Variants in KRT3 observed in about 807,000 individuals in gnomAD.
The protein encoded by KRT3 is keratin 3.
A neutral mutation model predicts 45.8 loss-of-function variants in KRT3; 34 were observed. The ratio of observed to expected loss-of-function variants is 0.74; its 90% CI spans 0.57 to 0.99. The LOEUF (loss-of-function observed/expected upper bound fraction) is 0.99, where lower values mean the gene tolerates loss of function less well. Among genes scored for constraint, KRT3 ranks in the 50% least tolerant of loss-of-function variants. The pLI is 0.00. For missense variants in KRT3, 828 were observed against 820.6 expected, an observed-to-expected ratio of 1.01 and a Z score of -0.11; for synonymous variants, 367 against 329.0, an observed-to-expected ratio of 1.12 and a Z score of -1.25.
intron 8 of KRT3, 54 bp from the exon 9 acceptor site, chr12:52,790,412 A>T: frequency 6.6e-7 from 1 of 1,504,404 alleles, no homozygotes; most frequent in Non-Finnish European, 8.9e-7. Flanking sequence ...GCCAGCTGCT[A>T]TGTTATTGTC....
At chr12:52,793,809 C>T (rs565981002) in intron 2 of KRT3, among the ~76,000 whole-genome samples, 1 of 152,294 alleles carries the variant, frequency 6.6e-6, no homozygotes, top group South Asian at 2.1e-4. Context: ...CCAGGCTGGT[C>T]TTGAACTCCT....
rs1939454581 is a variant in KRT3 at position 52,790,184 on chromosome 12, C to CCGCTGCTGCCACCGCTGAAAT, written c.1744_1745insATTTCAGCGGTGGCAGCAGCG (p.Ser581_Gly582insAspPheSerGlyGlySerSer). 6.5e-7 allele frequency: 1 copy of CCGCTGCTGCCACCGCTGAAAT among 1,548,770 alleles called. No individual in the cohort carries two copies. Among genetic ancestry groups the CCGCTGCTGCCACCGCTGAAAT allele is most frequent in the African/African-American group, 1.4e-5 (1 of 72,982 alleles). On this transcript the variant is annotated inframe_insertion, in exon 9 of 9. Coordinates refer to ENST00000417996, the MANE Select transcript of KRT3 (RefSeq NM_057088.3). Reference sequence around the variant, plus strand: ...GCCAAAGCCGCTGCCACCGCTGAAACCGCTGCTGCCGCCGCCAAATCCACC... The same window carrying CCGCTGCTGCCACCGCTGAAAT: ...GCCAAAGCCGCTGCCACCGCTGAAACCGCTGCTGCCACCGCTGAAATCGCTGCTGCCGCCGCCAAATCCACC...
In KRT3 at chr12:52,791,757, G is replaced by A. The variant is rs141642714; in HGVS notation, c.1248C>T (p.Ser416=). 147 of 1,613,988 alleles carry A rather than the reference G, an allele frequency of 9.1e-5. No individual in the cohort carries two copies. Among genetic ancestry groups the A allele is most frequent in the East Asian group, 4.9e-4 (22 of 44,888 alleles). Residue 416 remains serine, a synonymous_variant, in exon 6 of 9, where the codon AGC becomes AGT. Transcript: ENST00000417996. ...RHGDDLRNTK[S]EIIELNRMIQ... is the part of the protein sequence containing the mutation. Reference sequence around the variant, plus strand: ...TCATTCTGTTGAGCTCTATGATCTCGCTCTTGGTATTTCTTAGGTCATCCC... The same window carrying A: ...TCATTCTGTTGAGCTCTATGATCTCACTCTTGGTATTTCTTAGGTCATCCC...
intron 1 of KRT3, 26 bp from the exon 2 acceptor site, chr12:52,794,357 C>T (rs1281073688): frequency 1.3e-6 from 2 of 1,569,636 alleles, no homozygotes. Flanking sequence ...GAAGCAACAT[C>T]AGGCAACACT....
intron 1 of KRT3, 57 bp downstream of exon 1, chr12:52,795,341 A>G: frequency 6.2e-7 from 1 of 1,601,902 alleles, no homozygotes; most frequent in Non-Finnish European, 8.5e-7. Flanking sequence ...CTGTGTCCCA[A>G]AGGTCAAATT....
chr12:52,792,672 A>C lies in KRT3; in HGVS notation c.1023+39T>G, dbSNP rs775542276. The C allele has an allele frequency of 3.5e-6, 5 of 1,421,656 alleles. No homozygotes were observed. The South Asian group carries it at 5.7e-5, about 16-fold the overall frequency. 88.1% of individuals were successfully genotyped at this position (1,421,656 alleles called of 1,614,324 possible). On this transcript the variant is annotated intron_variant, in intron 4 of 8. Coordinates refer to ENST00000417996, the MANE Select transcript of KRT3 (RefSeq NM_057088.3). ...CCAGCCTCAAATCTGGAAACACCTC[A>C]CTCTCCCTCTGTCCCTTCTTAGTAG...
intron 3 of KRT3, 62 bp downstream of exon 3, chr12:52,793,101 T>TC (rs1302511697): frequency 1.5e-6 from 2 of 1,371,368 alleles, no homozygotes; most frequent in East Asian, 2.3e-5. Context: ...GTGAGGAGAT[T>TC]CCCCCAACCC....
At chr12:52,791,486 A>G (rs1434580939) in intron 6 of KRT3, 60 bp from the exon 7 acceptor site, 3 of 1,543,300 alleles carry the variant, frequency 1.9e-6, no homozygotes, top group Non-Finnish European at 1.8e-6. Context: ...CCTTCCTGAC[A>G]TGCAATGGAT....
At position 52,790,366 on chromosome 12, in the gene KRT3, GGA is replaced by G. The variant is rs1323922794; in HGVS notation, c.1571-10_1571-9del. 3 of 1,590,588 alleles carry G rather than the reference GGA, an allele frequency of 1.9e-6. No homozygotes were observed. In the African/African-American group the frequency reaches 4.0e-5, roughly 21 times the overall value. On this transcript the variant is annotated splice_polypyrimidine_tract_variant and intron_variant, in intron 8 of 8. Coordinates refer to ENST00000417996, the MANE Select transcript of KRT3 (RefSeq NM_057088.3). ...TGCTGCTGCTGACCACGGCTGTGGG[GGA>G]GAGGACAGGACAGCGATCAGCGACG...
At chr12:52,794,785 C>T (rs1429733896) in intron 1 of KRT3, among the ~76,000 whole-genome samples, 1 of 152,218 alleles carries the variant, frequency 6.6e-6, no homozygotes, top group Non-Finnish European at 1.5e-5. Context: ...AGCATGACAA[C>T]ACCTCTCTTG....
At chr12:52,795,067 C>T (rs1393928481) in intron 1 of KRT3, among the ~76,000 whole-genome samples, 1 of 152,190 alleles carries the variant, frequency 6.6e-6, no homozygotes, top group Admixed American at 6.5e-5. Context: ...GTGGACCCTT[C>T]GCTGATGGTG....
Position 52,793,205 on chromosome 12 carries a change from AT to A in KRT3, c.884del (p.Asn295IlefsTer11). 6.2e-7 allele frequency: 1 copy of A among 1,608,444 alleles called. No homozygotes were observed. The highest frequency in any genetic ancestry group is 1.3e-5 in the African/African-American group (1 of 74,960). ...DFKKKYEDEI[N>X]KRTAAENEFV... ...ATTCATTCTCAGCAGCTGTACGTTT[AT>A]TGATTTCATCCTCATATCTGTGTGA... is the stretch of plus-strand genomic sequence containing the variant. On this transcript the variant is annotated frameshift_variant, in exon 3 of 9. Transcript: ENST00000417996. LOFTEE classifies it high-confidence loss of function.
Position 52,792,323 on chromosome 12 carries a change from G to A in KRT3, c.1104C>T (p.Asp368=), listed in dbSNP as rs1466349366. The change falls in exon 5 of 9, where the codon GAC becomes GAT. Residue 368 remains aspartate, a synonymous_variant. Transcript: ENST00000417996. ...GTGCACGAACTTCAGCAATGATGCT[G>A]TCCAGGTCCAGGGAGCGATTATTGT... ...SMDNNRSLDL[D]SIIAEVRAQY... 4 of 1,613,800 alleles carry A rather than the reference G, an allele frequency of 2.5e-6. No individual in the cohort carries two copies. Among genetic ancestry groups the A allele is most frequent in the Admixed American group, 1.7e-5 (1 of 60,000 alleles).
chr12:52,790,303 G>A lies in KRT3; in HGVS notation c.1626C>T (p.Tyr542=). Residue 542 remains tyrosine (Y), a synonymous_variant, in exon 9 of 9, where the codon TAC becomes TAT. Coordinates refer to ENST00000417996, the MANE Select transcript of KRT3 (RefSeq NM_057088.3). Reference sequence around the variant, plus strand: ...CTAAACCACCGCCCATGCCTCCGCCGTAACCTCCTCCATAGCCACCTGCGG... The same window carrying A: ...CTAAACCACCGCCCATGCCTCCGCCATAACCTCCTCCATAGCCACCTGCGG... The part of the protein sequence containing the change: ...SASAGGYGGG[Y]GGGMGGGLGG... The A allele has an allele frequency of 1.3e-6, 2 of 1,571,356 alleles. No individual in the cohort carries two copies. Among genetic ancestry groups the A allele is most frequent in the Middle Eastern group, 1.7e-4 (1 of 6,010 alleles).
intron 2 of KRT3, among the ~76,000 whole-genome samples, chr12:52,793,481 G>A (rs1195822024): frequency 1.3e-5 from 2 of 152,190 alleles, no homozygotes; most frequent in Non-Finnish European, 2.9e-5. Context: ...CCTCTGGATG[G>A]TTGATCACCA....
chr12:52,794,885 G>A (rs1371092375), intron 1 of KRT3, among the ~76,000 whole-genome samples: 2 of 152,234 alleles, frequency 1.3e-5, no homozygotes, highest in Admixed American at 6.5e-5. Flanking sequence ...CTGAGTAGGA[G>A]TGCAAAGTCA....
chr12:52,791,503 A>G (rs1400453216), intron 6 of KRT3, 77 bp from the exon 7 acceptor site: 2 of 1,505,570 alleles, frequency 1.3e-6, no homozygotes, highest in Admixed American at 1.8e-5. Flanking sequence ...GGATTATCCC[A>G]TCTTAAAGTC....
chr12:52,789,775 A>C lies in KRT3; in HGVS notation c.*267T>G. 1 of 600,792 alleles carries C rather than the reference A, an allele frequency of 1.7e-6. No homozygotes were observed. The highest frequency in any genetic ancestry group is 3.0e-6 in the Non-Finnish European group (1 of 338,432). The allele number at this position is 600,792 out of a possible 1,614,324, so 37.2% of individuals were successfully genotyped here. A position where few individuals can be genotyped will look rare whatever the true frequency, so the allele number is the denominator to read the frequency against. On this transcript the variant is annotated 3_prime_UTR_variant, in exon 9 of 9. Transcript: ENST00000417996. Reference sequence around the variant, plus strand: ...CAGAGCTGTAGTGAGCATCCCACCCAGGGAGGGGACTCCGGGGCAGCAGAA... The same window carrying C: ...CAGAGCTGTAGTGAGCATCCCACCCCGGGAGGGGACTCCGGGGCAGCAGAA...
chr12:52,791,258 G>A lies in KRT3; in HGVS notation c.1483C>T (p.Leu495=), dbSNP rs756624667. The change falls in exon 7 of 9, where the codon CTG becomes TTG. Residue 495 remains leucine (L), a synonymous_variant. Transcript: ENST00000417996. ...YQELMNVKLA[L]DVEIATYRKL... ...CGGTAGGTGGCGATCTCCACGTCCAGGGCCAGCTTGACATTCATCAGCTCC... is the reference window on the plus strand; with the variant it reads ...CGGTAGGTGGCGATCTCCACGTCCAAGGCCAGCTTGACATTCATCAGCTCC... 9.3e-6 allele frequency: 15 copies of A among 1,614,140 alleles called. No homozygotes were observed. Among genetic ancestry groups the A allele is most frequent in the Non-Finnish European group, 1.3e-5 (15 of 1,180,044 alleles).
Sources: gnomAD v4.1 joint callset for allele counts (sites outside exome capture counted in the v4.1 genomes callset) on GRCh38, gnomAD v4.1.1 for gene constraint, MANE v1.5 for transcripts, NCBI Gene and HGNC (gene_info 2026-07-23, HGNC 2026-07-21) for gene names.